GOLGA8A: variants seen among roughly 807,000 people sequenced by gnomAD.
GOLGA8A encodes golgin subfamily A member 8A.
In GOLGA8A, 3 loss-of-function variants were observed where a neutral mutation model predicts 22.1. The observed-to-expected ratio is 0.14, with a 90% CI of 0.06 to 0.35. The LOEUF (loss-of-function observed/expected upper bound fraction) is 0.35, where lower values mean the gene tolerates loss of function less well. Among genes scored for constraint, GOLGA8A ranks in the 10% least tolerant of loss-of-function variants. The pLI is 1.00. For missense variants in GOLGA8A, 16 were observed against 233.2 expected (o/e 0.07, Z 6.07); for synonymous variants, 7 against 91.7 (o/e 0.08, Z 5.28).
chr15:34,428,804 G>A (rs1235659996), intron 2 of GOLGA8A: 1 of 146,112 alleles, frequency 6.8e-6, no homozygotes, highest in Non-Finnish European at 1.5e-5. Context: ...CTGCTGCAGA[G>A]GCCTCTGCAG....
chr15:34,435,847 G>A (rs1893482236), intron 1 of GOLGA8A, among the ~76,000 whole-genome samples: 1 of 149,136 alleles, frequency 6.7e-6, no homozygotes, highest in South Asian at 2.2e-4. Flanking sequence ...CCCACCGAGG[G>A]CTGCCAGCAC....
chr15:34,434,745 C>G lies in GOLGA8A; in HGVS notation c.-1123+638G>C, dbSNP rs1436494576. Among the ~76,000 whole-genome samples, 24 of 149,418 alleles carry G rather than the reference C, an allele frequency of 1.6e-4. 2 individuals carry two copies. The highest frequency in any genetic ancestry group is 5.9e-4 in the African/African-American group (24 of 40,454). ...CCTCCTGGTGAGCAAGCGTCTCAAA[C>G]CTGACCTACATCTGGGAGGCCTGCC... On this transcript the variant is annotated intron_variant, in intron 2 of 24. Transcript: ENST00000359187.
chr15:34,425,942 T>C (rs1892965784), intron 2 of GOLGA8A, among the ~76,000 whole-genome samples: 1 of 144,060 alleles, frequency 6.9e-6, no homozygotes, highest in Non-Finnish European at 1.5e-5. Flanking sequence ...AGCGTCGATG[T>C]CCAGAGAGTG....
At position 34,425,421 on chromosome 15, in the gene GOLGA8A, C is replaced by T. The variant is rs139019918; in HGVS notation, c.-1123+9962G>A. On this transcript the variant is annotated intron_variant, in intron 2 of 24. Transcript: ENST00000359187. ...AAAAAACTACATCCACAAATCACAC[C>T]GTATCTAAAATACATTTTAGATCAA... 4.4e-4 allele frequency among the ~76,000 whole-genome samples: 64 copies of T among 143,982 alleles called. 5 individuals carry two copies. Among genetic ancestry groups the T allele is most frequent in the African/African-American group, 1.6e-3 (63 of 39,422 alleles). The allele number at this position is 143,982 out of a possible 152,430, so 94.5% of individuals were successfully genotyped here. A position where few individuals can be genotyped will look rare whatever the true frequency, so the allele number is the denominator to read the frequency against.
chr15:34,427,839 G>T (rs1893050923), intron 2 of GOLGA8A, among the ~76,000 whole-genome samples: 1 of 148,282 alleles, frequency 6.7e-6, no homozygotes, highest in South Asian at 2.2e-4. Context: ...CCCTCAGTGT[G>T]CTGGTGAGCA....
intron 1 of GOLGA8A, among the ~76,000 whole-genome samples, chr15:34,437,096 T>G (rs1468186101): frequency 1.4e-5 from 2 of 146,264 alleles, no homozygotes; most frequent in African/African-American, 5.1e-5. Context: ...GCGCCGAGAG[T>G]GGCCCCTCGC....
intron 2 of GOLGA8A, among the ~76,000 whole-genome samples, chr15:34,412,640 TG>T (rs1189729977): frequency 3.0e-5 from 4 of 133,316 alleles, no homozygotes; most frequent in Non-Finnish European, 6.6e-5. Flanking sequence ...ATTCATTCAT[TG>T]GGTCCCAAAT....
intron 2 of GOLGA8A, among the ~76,000 whole-genome samples, chr15:34,431,791 A>T (rs531277806): frequency 4.0e-5 from 6 of 148,604 alleles, no homozygotes; most frequent in African/African-American, 1.5e-4. Flanking sequence ...TTTATTTTTT[A>T]AATATTTTAT....
At chr15:34,401,129 G>C (rs1193904071) in intron 5 of GOLGA8A, among the ~76,000 whole-genome samples, 1 of 10,902 alleles carries the variant, frequency 9.2e-5, no homozygotes, top group African/African-American at 2.9e-4. Flanking sequence ...AAATATACCT[G>C]AAGGTATACC....
At chr15:34,416,821 TAAATAAAA>T (rs1388967147) in intron 2 of GOLGA8A, 2 of 66,038 alleles carry the variant, frequency 3.0e-5, no homozygotes, top group Non-Finnish European at 5.3e-5. Flanking sequence ...AATAAATAAA[TAAATAAAA>T]AAGAAGTTTG....
At chr15:34,436,331 T>C (rs1893508621) in intron 1 of GOLGA8A, among the ~76,000 whole-genome samples, 1 of 149,784 alleles carries the variant, frequency 6.7e-6, no homozygotes, top group Non-Finnish European at 1.5e-5. Flanking sequence ...CACAGAAGGC[T>C]GAAGACGCCA....
intron 2 of GOLGA8A, among the ~76,000 whole-genome samples, chr15:34,431,345 A>ATCTC (rs1232402619): frequency 1.8e-4 from 24 of 130,518 alleles, no homozygotes; most frequent in African/African-American, 6.8e-4. Context: ...ATATATATAT[A>ATCTC]TCTCACACAC....
intron 2 of GOLGA8A, among the ~76,000 whole-genome samples, chr15:34,430,846 C>T (rs1226680158): frequency 1.3e-5 from 2 of 149,856 alleles, no homozygotes; most frequent in African/African-American, 4.9e-5. Flanking sequence ...CGCTCTACAG[C>T]TGGCTCACAC....
intron 2 of GOLGA8A, among the ~76,000 whole-genome samples, chr15:34,425,385 C>G (rs374650507): frequency 0.02 from 2,091 of 104,708 alleles, 144 homozygotes; most frequent in African/African-American, 0.045. Flanking sequence ...GGTTGGAATC[C>G]TATAAAAAAA....
Position 34,399,178 on chromosome 15 carries a change from G to A in GOLGA8A, c.-501C>T, listed in dbSNP as rs575354393. On this transcript the variant is annotated 5_prime_UTR_variant, in exon 7 of 25. The change creates a new upstream start codon in the 5' untranslated region. Transcript: ENST00000359187. ...ACCTGTTTTGTGAGAAGTTCAATACGTAATGCTCCTCCACACAATACATAC... is the reference window on the plus strand; with the variant it reads ...ACCTGTTTTGTGAGAAGTTCAATACATAATGCTCCTCCACACAATACATAC... 637 of 155,250 alleles carry A rather than the reference G, an allele frequency of 4.1e-3. 76 individuals carry two copies. The highest frequency in any genetic ancestry group is 4.2e-3 in the East Asian group (28 of 6,590). 9.6% of individuals were successfully genotyped at this position (155,250 alleles called of 1,614,324 possible).
chr15:34,431,430 G>A (rs1013021786), intron 2 of GOLGA8A, among the ~76,000 whole-genome samples: 9 of 145,404 alleles, frequency 6.2e-5, no homozygotes, highest in African/African-American at 2.1e-4. Flanking sequence ...GTCACTTAAC[G>A]ACAGGGATGT....
At chr15:34,437,246 C>G (rs1893569346) in intron 1 of GOLGA8A, among the ~76,000 whole-genome samples, 152 bp downstream of exon 1, 1 of 146,352 alleles carries the variant, frequency 6.8e-6, no homozygotes, top group African/African-American at 2.5e-5. Context: ...GGCGGCCTCC[C>G]CGCAGCCCCG....
chr15:34,431,339 A>ATCTCTCTC (rs1410030407), intron 2 of GOLGA8A, among the ~76,000 whole-genome samples: 21 of 85,444 alleles, frequency 2.5e-4, no homozygotes, highest in African/African-American at 7.6e-4. Flanking sequence ...ATATATATAT[A>ATCTCTCTC]TATATATCTC....
At chr15:34,393,326 G>GCTA (rs1891832382) in intron 8 of GOLGA8A, among the ~76,000 whole-genome samples, 1 of 126,672 alleles carries the variant, frequency 7.9e-6, no homozygotes, top group Non-Finnish European at 1.7e-5. Flanking sequence ...AGAAACCATA[G>GCTA]CTACAGTCCT....
Sources: gnomAD v4.1 joint callset for allele counts (sites outside exome capture counted in the v4.1 genomes callset) on GRCh38, gnomAD v4.1.1 for gene constraint, MANE v1.5 for transcripts, NCBI Gene and HGNC (gene_info 2026-07-23, HGNC 2026-07-21) for gene names.